Variants in EML6 observed in about 807,000 individuals in gnomAD.
EML6 encodes echinoderm microtubule-associated protein-like 6.
Under a neutral mutation model 240.1 loss-of-function variants are expected in EML6, and 154 were observed. That is an observed-to-expected ratio of 0.64 (90% CI 0.56 to 0.73). The LOEUF is 0.73. Ranked by LOEUF, EML6 falls within the 30% of genes least tolerant of loss-of-function variation. The pLI is 0.00. For synonymous variants in EML6, 1,148 were observed against 899.0 expected (o/e 1.28, Z -4.95); for missense variants, 2,964 against 2,474.6 (o/e 1.20, Z -4.20).
At chr2:54,797,082 G>C (rs190193763) in intron 2 of EML6, among the ~76,000 whole-genome samples, 2 of 145,338 alleles carry the variant, frequency 1.4e-5, no homozygotes, top group Admixed American at 7.0e-5. Context: ...GGAGAATGGC[G>C]TGAACCCAGG....
In EML6 at chr2:54,880,619, A is replaced by G. The variant is rs186725119; in HGVS notation, c.2438+979A>G. ...TTCTGATGACTGCTGTTGAGATTGAATTCTTGGCAACAAATGACAGCTCAT... is the reference window on the plus strand; with the variant it reads ...TTCTGATGACTGCTGTTGAGATTGAGTTCTTGGCAACAAATGACAGCTCAT... On this transcript the variant is annotated intron_variant, in intron 17 of 41. Coordinates refer to ENST00000356458, the MANE Select transcript of EML6 (RefSeq NM_001039753.4). 3.2e-3 allele frequency: 489 copies of G among 152,292 alleles called. 3 individuals carry two copies. The highest frequency in any genetic ancestry group is 0.01 in the African/African-American group (418 of 41,552). The allele number at this position is 152,292 out of a possible 1,614,324, so 9.4% of individuals were successfully genotyped here. A position where few individuals can be genotyped will look rare whatever the true frequency, so the allele number is the denominator to read the frequency against.
At chr2:54,809,660 A>G (rs1180154515) in intron 2 of EML6, among the ~76,000 whole-genome samples, 1 of 152,184 alleles carries the variant, frequency 6.6e-6, no homozygotes, top group Non-Finnish European at 1.5e-5. Context: ...ATGCTTCTGA[A>G]CTAAAATTCC....
Position 54,837,365 on chromosome 2 carries a change from T to C in EML6, c.848-6682T>C, listed in dbSNP as rs185018672. Among the ~76,000 whole-genome samples the C allele has an allele frequency of 1.3e-3, 192 of 152,296 alleles. 1 individual carries two copies. The highest frequency in any genetic ancestry group is 4.4e-3 in the Admixed American group (67 of 15,308). ...GTAATACAAACTTTCTATGCTGTTA[T>C]TTCCTCATCGGTTCAGCACGTATTT... On this transcript the variant is annotated intron_variant, in intron 7 of 41. Transcript: ENST00000356458.
intron 9 of EML6, among the ~76,000 whole-genome samples, chr2:54,849,250 A>G (rs1479171861): frequency 6.6e-6 from 1 of 152,130 alleles, no homozygotes; most frequent in African/African-American, 2.4e-5. Flanking sequence ...ATCACCTTAA[A>G]TATTTTTTCT....
At chr2:54,769,111 C>G (rs568579697) in intron 2 of EML6, among the ~76,000 whole-genome samples, 2 of 152,136 alleles carry the variant, frequency 1.3e-5, no homozygotes, top group Non-Finnish European at 2.9e-5. Flanking sequence ...GGTTGAGATA[C>G]CCGAATCTGA....
chr2:54,901,974 C>A (rs1673079198), intron 22 of EML6, among the ~76,000 whole-genome samples: 1 of 152,198 alleles, frequency 6.6e-6, no homozygotes, highest in South Asian at 2.1e-4. Context: ...GCACCATCAC[C>A]CTAGTGCCAA....
At chr2:54,928,072 T>G (rs1674651359) in intron 26 of EML6, among the ~76,000 whole-genome samples, 1 of 152,204 alleles carries the variant, frequency 6.6e-6, no homozygotes, top group Non-Finnish European at 1.5e-5. Flanking sequence ...GAAAATAGGT[T>G]CTGTAGTCTA....
intron 13 of EML6, among the ~76,000 whole-genome samples, chr2:54,866,096 C>A (rs764156475): frequency 6.6e-6 from 1 of 151,928 alleles, no homozygotes; most frequent in Non-Finnish European, 1.5e-5. Context: ...TAAACAGGGG[C>A]CTTATATTTT....
chr2:54,743,974 C>T (rs2103662958), intron 2 of EML6, among the ~76,000 whole-genome samples: 1 of 152,168 alleles, frequency 6.6e-6, no homozygotes, highest in Middle Eastern at 3.4e-3. Context: ...GAAGAGATGG[C>T]ATTTGGGTGG....
intron 11 of EML6, among the ~76,000 whole-genome samples, chr2:54,856,137 G>A (rs1670364456): frequency 6.6e-6 from 1 of 152,182 alleles, no homozygotes. Context: ...ACTGTACTAT[G>A]TTTACGTAGC....
At chr2:54,839,369 G>A (rs1434510059) in intron 7 of EML6, among the ~76,000 whole-genome samples, 3 of 152,236 alleles carry the variant, frequency 2.0e-5, no homozygotes, top group African/African-American at 4.8e-5. Context: ...AGGAATGAGA[G>A]TGACCTGGTA....
chr2:54,961,114 C>G (rs1185302759), intron 35 of EML6, among the ~76,000 whole-genome samples: 1 of 150,284 alleles, frequency 6.7e-6, no homozygotes, highest in African/African-American at 2.5e-5. Context: ...TAAGTGATGC[C>G]CACCTGGAAG....
intron 2 of EML6, among the ~76,000 whole-genome samples, chr2:54,788,523 C>T (rs1458682878): frequency 2.6e-5 from 4 of 152,188 alleles, no homozygotes; most frequent in South Asian, 4.1e-4. Context: ...TGGGGCCGCC[C>T]CCCGCCCCAG....
At chr2:54,827,783 A>C in intron 6 of EML6, 32 bp downstream of exon 6, 1 of 1,493,572 alleles carries the variant, frequency 6.7e-7, no homozygotes, top group African/African-American at 1.4e-5. Context: ...TCTGTGGGTG[A>C]CCTACCAAAT....
At chr2:54,842,883 C>T (rs573559759) in intron 7 of EML6, among the ~76,000 whole-genome samples, 2 of 152,214 alleles carry the variant, frequency 1.3e-5, no homozygotes, top group African/African-American at 2.4e-5. Context: ...TAAATTAAGT[C>T]GGTGAAGAAT....
intron 2 of EML6, among the ~76,000 whole-genome samples, chr2:54,755,969 C>A (rs1233459091): frequency 6.6e-6 from 1 of 152,028 alleles, no homozygotes; most frequent in Non-Finnish European, 1.5e-5. Flanking sequence ...TCGGCAAATA[C>A]CTTAAGGGGA....
In EML6 at chr2:54,849,967, T is replaced by A. The variant is rs989836927; in HGVS notation, c.1193T>A (p.Met398Lys). ...GSFIVLRVRDMTEVVHIKDRK... is the reference protein window; with the variant it reads ...GSFIVLRVRDKTEVVHIKDRK... Reference sequence around the variant, plus strand: ...TTTGCTTTTTATTCTTACAGAGATATGACAGAAGTAGTTCACATCAAAGAT... The same window carrying A: ...TTTGCTTTTTATTCTTACAGAGATAAGACAGAAGTAGTTCACATCAAAGAT... Residue 398 changes from methionine to lysine, a missense_variant, in exon 10 of 42, where the codon ATG becomes AAG. Coordinates refer to ENST00000356458, the MANE Select transcript of EML6 (RefSeq NM_001039753.4). 1 of 1,550,804 alleles carries A rather than the reference T, an allele frequency of 6.4e-7. No homozygotes were observed. Among genetic ancestry groups the A allele is most frequent in the South Asian group, 1.2e-5 (1 of 84,024 alleles).
chr2:54,779,806 G>C (rs1484528927), intron 2 of EML6, among the ~76,000 whole-genome samples: 1 of 146,058 alleles, frequency 6.8e-6, no homozygotes, highest in African/African-American at 2.5e-5. Context: ...AGGTTGCAGT[G>C]AGCCAAGATC....
chr2:54,759,906 A>T (rs557272473), intron 2 of EML6, among the ~76,000 whole-genome samples: 1 of 150,106 alleles, frequency 6.7e-6, no homozygotes, highest in Non-Finnish European at 1.5e-5. Flanking sequence ...TACATATAAT[A>T]TATATTTATA....
Sources: gnomAD v4.1 joint callset for allele counts (sites outside exome capture counted in the v4.1 genomes callset) on GRCh38, gnomAD v4.1.1 for gene constraint, MANE v1.5 for transcripts, NCBI Gene and HGNC (gene_info 2026-07-23, HGNC 2026-07-21) for gene names.